The following PHGDH variants were observed in gnomAD, a reference collection of about 807,000 sequenced individuals.
PHGDH encodes D-3-phosphoglycerate dehydrogenase.
PHGDH carries 50 observed loss-of-function variants against 52.6 expected under a neutral mutation model. That is an observed-to-expected ratio of 0.95 (90% CI 0.76 to 1.20). PHGDH has a LOEUF of 1.20. PHGDH is among the 50% of genes most tolerant of loss of function. PHGDH has a pLI of 0.00. For synonymous variants in PHGDH, 271 were observed against 280.5 expected (o/e 0.97, Z 0.34); for missense variants, 630 against 684.6 (o/e 0.92, Z 0.89).
In PHGDH at chr1:119,715,616, G is replaced by A. The variant is rs117874973; in HGVS notation, c.138+3456G>A. On this transcript the variant is annotated intron_variant, in intron 1 of 11. Coordinates refer to ENST00000641023, the MANE Select transcript of PHGDH (RefSeq NM_006623.4). ...TGTCCCCTTGGGAAAGGAAGCATGT[G>A]TGAACCTGAGGAATGGCAATGGATT... 8.5e-5 allele frequency among the ~76,000 whole-genome samples: 13 copies of A among 152,328 alleles called. No individual in the cohort carries two copies. The East Asian group carries it at 2.3e-3, about 27-fold the overall frequency.
intron 3 of PHGDH, among the ~76,000 whole-genome samples, chr1:119,723,674 T>C (rs1474115784): frequency 1.3e-5 from 2 of 151,948 alleles, no homozygotes; most frequent in African/African-American, 4.8e-5. Context: ...ACTCATGTTC[T>C]ATTCTCCATG....
chr1:119,724,632 G>A (rs985596855), intron 3 of PHGDH, among the ~76,000 whole-genome samples: 2 of 150,828 alleles, frequency 1.3e-5, no homozygotes, highest in African/African-American at 4.9e-5. Flanking sequence ...TGGCACCCTG[G>A]TTTCACTTCA....
At position 119,735,358 on chromosome 1, in the gene PHGDH, G is replaced by A. The variant is rs776544484; in HGVS notation, c.707G>A (p.Arg236His). Residue 236 changes from arginine to histidine, a missense_variant, in exon 7 of 12, where the codon CGT becomes CAT. Transcript: ENST00000641023. ...GGGGTGCGTGTGGTGAACTGTGCCC[G>A]TGGAGGGATCGTGGACGAAGGCGCC... ...KKGVRVVNCA[R>H]GGIVDEGALL... 3.0e-5 allele frequency: 49 copies of A among 1,614,092 alleles called. No individual in the cohort carries two copies. The highest frequency in any genetic ancestry group is 3.3e-5 in the Non-Finnish European group (39 of 1,180,044).
chr1:119,736,984 T>C, intron 7 of PHGDH, 130 bp from the exon 8 acceptor site: 2 of 833,586 alleles, frequency 2.4e-6, no homozygotes, highest in Non-Finnish European at 4.1e-6. Flanking sequence ...GTGACCACCC[T>C]GACAAAATAG....
chr1:119,735,850 GT>G (rs1651909439), intron 7 of PHGDH, among the ~76,000 whole-genome samples: 1 of 152,210 alleles, frequency 6.6e-6, no homozygotes, highest in East Asian at 1.9e-4. Context: ...CCTTTTCAGT[GT>G]CCATGGGCAT....
chr1:119,731,563 G>C (rs1454627678), intron 5 of PHGDH, among the ~76,000 whole-genome samples: 1 of 152,140 alleles, frequency 6.6e-6, no homozygotes, highest in African/African-American at 2.4e-5. Context: ...ATTTTTTCAG[G>C]TCCAGCTAAT....
intron 6 of PHGDH, chr1:119,734,978 C>T (rs1189813402): frequency 2.6e-5 from 17 of 641,862 alleles, no homozygotes; most frequent in Non-Finnish European, 4.1e-5. Flanking sequence ...GTAAGCTGGG[C>T]ACAGGGACAA....
At position 119,735,346 on chromosome 1, in the gene PHGDH, T is replaced by G; in HGVS notation, c.695T>G (p.Val232Gly). The change falls in exon 7 of 12, where the codon GTG becomes GGG. Residue 232 changes from valine to glycine, a missense_variant. By Grantham distance (109) the Val-to-Gly change is moderately radical. Coordinates refer to ENST00000641023, the MANE Select transcript of PHGDH (RefSeq NM_006623.4). ...CAGTGCAAGAAGGGGGTGCGTGTGGTGAACTGTGCCCGTGGAGGGATCGTG... is the reference window on the plus strand; with the variant it reads ...CAGTGCAAGAAGGGGGTGCGTGTGGGGAACTGTGCCCGTGGAGGGATCGTG... ...FAQCKKGVRVVNCARGGIVDE... is the reference protein window; with the variant it reads ...FAQCKKGVRVGNCARGGIVDE... 6.2e-7 allele frequency: 1 copy of G among 1,614,184 alleles called. No individual in the cohort carries two copies. Among genetic ancestry groups the G allele is most frequent in the Non-Finnish European group, 8.5e-7 (1 of 1,180,024 alleles).
At chr1:119,734,571 T>C in intron 5 of PHGDH, 63 bp from the exon 6 acceptor site, 1 of 1,536,222 alleles carries the variant, frequency 6.5e-7, no homozygotes, top group Non-Finnish European at 9.0e-7. Flanking sequence ...TTTGCCATTC[T>C]TAATAATAAC....
At position 119,737,224 on chromosome 1, in the gene PHGDH, T is replaced by G. The variant is rs777075726; in HGVS notation, c.903T>G (p.Val301=). The change falls in exon 8 of 12, where the codon GTT becomes GTG. Residue 301 remains valine (V), a synonymous_variant. Coordinates refer to ENST00000641023, the MANE Select transcript of PHGDH (RefSeq NM_006623.4). ...GCCGCTGTGGGGAGGAAATTGCTGTTCAGTTCGTGGACATGGTGAAGGGGA... is the reference window on the plus strand; with the variant it reads ...GCCGCTGTGGGGAGGAAATTGCTGTGCAGTTCGTGGACATGGTGAAGGGGA... ...AQSRCGEEIA[V]QFVDMVKGKS... is the part of the protein sequence containing the mutation. 39 of 1,614,050 alleles carry G rather than the reference T, an allele frequency of 2.4e-5. No homozygotes were observed. Among genetic ancestry groups the G allele is most frequent in the Admixed American group, 1.8e-4 (11 of 60,012 alleles).
At chr1:119,729,145 G>C (rs1025169429) in intron 5 of PHGDH, among the ~76,000 whole-genome samples, 3 of 152,122 alleles carry the variant, frequency 2.0e-5, no homozygotes, top group African/African-American at 7.2e-5. Context: ...AGAAGGGCCA[G>C]GTGTATTCTT....
At chr1:119,727,516 A>G in intron 5 of PHGDH, 1 of 282,590 alleles carries the variant, frequency 3.5e-6, no homozygotes, top group Non-Finnish European at 6.8e-6. Context: ...GAGAGAATTC[A>G]GGGTGGGCTG....
rs761863796 is a variant in PHGDH, at chr1:119,735,282, C to T, written c.644-13C>T. 1.6e-5 allele frequency: 26 copies of T among 1,614,138 alleles called. No homozygotes were observed. Among genetic ancestry groups the T allele is most frequent in the South Asian group, 1.1e-4 (10 of 91,086 alleles). ...GTGCTGCCCCAGCAGGAAGATGCTT[C>T]GCTTTCTTCCAGGCTTGCTGAATGA... On this transcript the variant is annotated splice_polypyrimidine_tract_variant and intron_variant, in intron 6 of 11. Transcript: ENST00000641023.
At position 119,721,237 on chromosome 1, in the gene PHGDH, A is replaced by T; in HGVS notation, c.206A>T (p.Lys69Ile). Residue 69 changes from lysine (K) to isoleucine (I), a missense_variant, in exon 2 of 12, where the codon AAA becomes ATA. Transcript: ENST00000641023. ...VTADVINAAEKLQVVGRAGTG... is the reference protein window; with the variant it reads ...VTADVINAAEILQVVGRAGTG... ...GCTGATGTCATCAACGCAGCTGAGA[A>T]ACTCCAGGTGGTGGGCAGGGCTGGC... 1 of 1,614,148 alleles carries T rather than the reference A, an allele frequency of 6.2e-7. No homozygotes were observed. Among genetic ancestry groups the T allele is most frequent in the Non-Finnish European group, 8.5e-7 (1 of 1,180,014 alleles).
chr1:119,727,665 T>TAA lies in PHGDH; in HGVS notation c.510+581_510+582dup, dbSNP rs587769490. On this transcript the variant is annotated intron_variant, in intron 5 of 11. Transcript: ENST00000641023. ...TAACATGGTGAAACCGCATCGCTAC[T>TAA]AAAAAAAAAAAAAAAAAAATTAGCC... The TAA allele has an allele frequency of 2.4e-3, 272 of 115,064 alleles. 1 individual carries two copies. Among genetic ancestry groups the TAA allele is most frequent in the African/African-American group, 7.7e-3 (244 of 31,566 alleles). 7.1% of individuals were successfully genotyped at this position (115,064 alleles called of 1,614,324 possible).
At chr1:119,737,769 A>AC (rs1021549455) in intron 8 of PHGDH, among the ~76,000 whole-genome samples, 2 of 151,460 alleles carry the variant, frequency 1.3e-5, no homozygotes, top group African/African-American at 4.9e-5. Flanking sequence ...AAGGCATAAG[A>AC]CCCCCACTTC....
At chr1:119,725,741 AT>A (rs1387259443) in intron 3 of PHGDH, among the ~76,000 whole-genome samples, 2 of 152,102 alleles carry the variant, frequency 1.3e-5, no homozygotes, top group African/African-American at 4.8e-5. Flanking sequence ...GCAGCTTGAG[AT>A]TTCTCTTTTT....
rs111557592 is a variant in PHGDH, at chr1:119,740,307, G to A, written c.946-79G>A. On this transcript the variant is annotated intron_variant, in intron 8 of 11. Transcript: ENST00000641023. ...CCTATACTGTCTTTCTTGTGGAGCT[G>A]GGTCTTGGCAGCCAGATCTTGATTC... 2.1e-4 allele frequency: 321 copies of A among 1,503,210 alleles called. 1 individual carries two copies. The African/African-American group carries it at 3.9e-3, about 18-fold the overall frequency. The allele number at this position is 1,503,210 out of a possible 1,614,324, so 93.1% of individuals were successfully genotyped here.
In PHGDH at chr1:119,744,054, T is replaced by C. The variant is rs1253024662; in HGVS notation, c.*14T>C. On this transcript the variant is annotated 3_prime_UTR_variant, in exon 12 of 12. Transcript: ENST00000641023. ...TTCCACTTCTAACCTTGGAGCTCAC[T>C]GGTCCCTGCCTCTGGGGCTTTTCTG... 1.9e-6 allele frequency: 3 copies of C among 1,613,226 alleles called. No individual in the cohort carries two copies. Among genetic ancestry groups the C allele is most frequent in the Non-Finnish European group, 2.5e-6 (3 of 1,179,142 alleles).
Sources: gnomAD v4.1 joint callset for allele counts (sites outside exome capture counted in the v4.1 genomes callset) on GRCh38, gnomAD v4.1.1 for gene constraint, MANE v1.5 for transcripts, NCBI Gene and HGNC (gene_info 2026-07-23, HGNC 2026-07-21) for gene names.